Variants in LRRC37A2 observed in about 807,000 individuals in gnomAD.
LRRC37A2 encodes leucine-rich repeat-containing protein 37A2.
LRRC37A2 carries 9 observed loss-of-function variants against 68.8 expected under a neutral mutation model. That is an observed-to-expected ratio of 0.13 (90% CI 0.08 to 0.23). The LOEUF (loss-of-function observed/expected upper bound fraction) is 0.23, where lower values mean the gene tolerates loss of function less well. Among genes scored for constraint, LRRC37A2 ranks in the 10% least tolerant of loss-of-function variants. LRRC37A2 has a pLI of 1.00. For synonymous variants in LRRC37A2, 63 were observed against 367.6 expected, an observed-to-expected ratio of 0.17 and a Z score of 9.48; for missense variants, 168 against 950.4, an observed-to-expected ratio of 0.18 and a Z score of 10.82.
chr17:46,958,864 T>C, the LRRC37A2 span, among the ~76,000 whole-genome samples: 1 of 152,238 alleles, frequency 6.6e-6, no homozygotes, highest in South Asian at 2.1e-4. Flanking sequence ...CCTCCCAGAC[T>C]TGCTGTGTGG....
the LRRC37A2 span, chr17:46,936,509 CCT>C: frequency 1.0e-6 from 1 of 985,532 alleles, no homozygotes; most frequent in African/African-American, 1.7e-5. Context: ...CTCTTGATTC[CCT>C]CCACCTGCCT....
chr17:46,812,043 G>A, the LRRC37A2 span, among the ~76,000 whole-genome samples: 1 of 152,168 alleles, frequency 6.6e-6, no homozygotes, highest in Admixed American at 6.5e-5. Flanking sequence ...GAGACCCAGT[G>A]CTCCTTCCCA....
chr17:46,839,121 G>A, the LRRC37A2 span, among the ~76,000 whole-genome samples: 11 of 152,078 alleles, frequency 7.2e-5, no homozygotes, highest in Non-Finnish European at 1.6e-4. Flanking sequence ...CAGGAGTTCC[G>A]CCCGCCTCGG....
downstream of LRRC37A2, among the ~76,000 whole-genome samples, chr17:46,558,216 T>C (rs1453769392): frequency 2.4e-4 from 25 of 102,786 alleles, no homozygotes; most frequent in South Asian, 5.1e-3. Flanking sequence ...TGCACCACCA[T>C]GCCCGGCTAA....
At chr17:46,801,917 G>C in the LRRC37A2 span, among the ~76,000 whole-genome samples, 1 of 152,192 alleles carries the variant, frequency 6.6e-6, no homozygotes, top group Admixed American at 6.5e-5. Context: ...AGGCCTGGCT[G>C]TAGCATTGAG....
chr17:46,934,323 T>C, the LRRC37A2 span, among the ~76,000 whole-genome samples: 1 of 152,008 alleles, frequency 6.6e-6, no homozygotes, highest in Non-Finnish European at 1.5e-5. Context: ...AGCAACATGG[T>C]GAAACCCTGT....
the LRRC37A2 span, among the ~76,000 whole-genome samples, chr17:47,034,773 A>G: frequency 6.7e-3 from 997 of 149,302 alleles, 4 homozygotes; most frequent in East Asian, 0.012. Flanking sequence ...TATAGAATGA[A>G]GAGGTAGCCG....
the LRRC37A2 span, chr17:46,773,592 C>CT: frequency 6.9e-7 from 1 of 1,454,512 alleles, no homozygotes; most frequent in South Asian, 1.4e-5. Flanking sequence ...GGCACCCTGA[C>CT]TGGGGTGGAA....
chr17:46,868,002 G>A, the LRRC37A2 span, among the ~76,000 whole-genome samples: 3 of 152,120 alleles, frequency 2.0e-5, no homozygotes, highest in South Asian at 2.1e-4. Flanking sequence ...GGAGGCGGCC[G>A]CTGTTCACCT....
At chr17:46,789,619 A>T in the LRRC37A2 span, among the ~76,000 whole-genome samples, 2 of 152,208 alleles carry the variant, frequency 1.3e-5, no homozygotes, top group Non-Finnish European at 2.9e-5. Flanking sequence ...GGGACAGAGG[A>T]ACAAACCAAA....
the LRRC37A2 span, among the ~76,000 whole-genome samples, chr17:46,846,931 A>G: frequency 6.6e-6 from 1 of 152,210 alleles, no homozygotes; most frequent in East Asian, 1.9e-4. Context: ...AAGGTCACAG[A>G]GGACTCCAGT....
chr17:47,043,309 T>A, the LRRC37A2 span, among the ~76,000 whole-genome samples: 1 of 152,042 alleles, frequency 6.6e-6, no homozygotes, highest in Non-Finnish European at 1.5e-5. Flanking sequence ...AAACATTTGT[T>A]AAATGCCTAA....
chr17:47,000,048 TAAAATA>T, the LRRC37A2 span, among the ~76,000 whole-genome samples: 138 of 27,854 alleles, frequency 5.0e-3, 24 homozygotes, highest in Admixed American at 0.027. Flanking sequence ...TAAAATAAAA[TAAAATA>T]AAATAAAATT....
At chr17:46,942,192 T>C in the LRRC37A2 span, among the ~76,000 whole-genome samples, 1 of 152,118 alleles carries the variant, frequency 6.6e-6, no homozygotes, top group Non-Finnish European at 1.5e-5. Flanking sequence ...GACTTTCAGC[T>C]CCAGTAGCCA....
At chr17:46,768,908 CCT>C in the LRRC37A2 span, 1 of 1,485,470 alleles carries the variant, frequency 6.7e-7, no homozygotes, top group Non-Finnish European at 9.0e-7. The surrounding 1 kb of genome is among the most constrained non-coding windows in gnomAD (Gnocchi z 5.0). Context: ...CTTCTCTACT[CCT>C]CTGTGACAGG....
chr17:46,692,638 TAC>T, the LRRC37A2 span, among the ~76,000 whole-genome samples: 1 of 110,210 alleles, frequency 9.1e-6, no homozygotes, highest in Non-Finnish European at 1.8e-5. Flanking sequence ...TTTCTATCTA[TAC>T]ACACACACTA....
the LRRC37A2 span, among the ~76,000 whole-genome samples, chr17:46,783,401 G>A: frequency 2.6e-5 from 4 of 152,326 alleles, no homozygotes; most frequent in Admixed American, 6.5e-5. Context: ...CACTCAACAC[G>A]CACGAATTGA....
At chr17:46,942,481 A>G in the LRRC37A2 span, among the ~76,000 whole-genome samples, 2 of 152,140 alleles carry the variant, frequency 1.3e-5, no homozygotes, top group African/African-American at 4.8e-5. Context: ...CCATGGGCCC[A>G]CTTAATCTCC....
the LRRC37A2 span, among the ~76,000 whole-genome samples, chr17:46,944,490 C>A: frequency 6.6e-6 from 1 of 152,224 alleles, no homozygotes; most frequent in Admixed American, 6.5e-5. Context: ...TGACCCTCAG[C>A]CTGGGCTGCT....
Sources: allele counts gnomAD v4.1 joint callset (sites outside exome capture counted in the v4.1 genomes callset), GRCh38; gene constraint gnomAD v4.1.1; non-coding constraint Gnocchi (gnomAD v3.1); transcripts MANE v1.5; gene names NCBI Gene and HGNC (gene_info 2026-07-23, HGNC 2026-07-21).